Variants in TBC1D5 observed in about 807,000 individuals in gnomAD.
TBC1D5 encodes TBC1 domain family, member 5.
A neutral mutation model predicts 100.3 loss-of-function variants in TBC1D5; 75 were observed. That is an observed-to-expected ratio of 0.75 (90% confidence interval 0.62 to 0.91). The LOEUF (loss-of-function observed/expected upper bound fraction) is 0.91. Among genes scored for constraint, TBC1D5 ranks in the 40% least tolerant of loss-of-function variants. The pLI, the probability that TBC1D5 is intolerant of heterozygous loss-of-function variation, is 0.00. For synonymous variants in TBC1D5, 323 were observed against 325.6 expected, an observed-to-expected ratio of 0.99 and a Z score of 0.09; for missense variants, 910 against 942.4, an observed-to-expected ratio of 0.97 and a Z score of 0.45.
At chr3:17,401,085 A>C (rs2093631102) in intron 8 of TBC1D5, among the ~76,000 whole-genome samples, 1 of 152,036 alleles carries the variant, frequency 6.6e-6, no homozygotes, top group Non-Finnish European at 1.5e-5. Flanking sequence ...CTGTCCCTCT[A>C]GAGAACGCTA....
chr3:17,608,546 T>C (rs1302117295), intron 2 of TBC1D5, among the ~76,000 whole-genome samples: 1 of 152,206 alleles, frequency 6.6e-6, no homozygotes, highest in Non-Finnish European at 1.5e-5. Flanking sequence ...ATATCCATGA[T>C]TATTCCTTTC....
chr3:17,485,426 T>TGCA (rs2095551900), intron 3 of TBC1D5, among the ~76,000 whole-genome samples: 1 of 151,752 alleles, frequency 6.6e-6, no homozygotes, highest in Non-Finnish European at 1.5e-5. Context: ...GCTGTTGTGC[T>TGCA]GCACCCATTA....
chr3:17,702,894 A>G (rs771929892), intron 1 of TBC1D5, among the ~76,000 whole-genome samples: 9 of 152,292 alleles, frequency 5.9e-5, no homozygotes, highest in Admixed American at 2.6e-4. Context: ...AATTAAAAGT[A>G]TAAGCCATTC....
chr3:17,222,424 C>T (rs956494682), intron 17 of TBC1D5, among the ~76,000 whole-genome samples: 4 of 152,026 alleles, frequency 2.6e-5, no homozygotes, highest in Non-Finnish European at 5.9e-5. Flanking sequence ...TATTTGGGAG[C>T]GGGGAGGGTA....
At chr3:17,528,398 G>T (rs185552310) in intron 2 of TBC1D5, among the ~76,000 whole-genome samples, 2 of 152,260 alleles carry the variant, frequency 1.3e-5, no homozygotes, top group African/African-American at 4.8e-5. Context: ...TCCCTTAGGA[G>T]AATGCAGTAA....
intron 2 of TBC1D5, among the ~76,000 whole-genome samples, chr3:17,621,963 G>A (rs935373531): frequency 2.0e-5 from 3 of 152,146 alleles, no homozygotes; most frequent in African/African-American, 7.2e-5. Context: ...ACTAAGAACA[G>A]TCAGTTTTCT....
intron 13 of TBC1D5, among the ~76,000 whole-genome samples, chr3:17,346,863 C>G (rs2089953539): frequency 6.6e-6 from 1 of 152,042 alleles, no homozygotes; most frequent in African/African-American, 2.4e-5. Flanking sequence ...TTTGAAGTCA[C>G]CTTTATAATA....
At chr3:17,728,136 G>A (rs183848859) in intron 1 of TBC1D5, among the ~76,000 whole-genome samples, 87 of 152,138 alleles carry the variant, frequency 5.7e-4, no homozygotes, top group Non-Finnish European at 8.4e-4. Context: ...GCACACACAC[G>A]CATACCCACA....
intron 2 of TBC1D5, among the ~76,000 whole-genome samples, chr3:17,543,370 C>T (rs544952514): frequency 1.3e-5 from 2 of 152,182 alleles, no homozygotes; most frequent in Non-Finnish European, 2.9e-5. Flanking sequence ...TCGTGGCTCA[C>T]ACCTGTAATC....
At chr3:17,284,106 ACACACACACACACACACG>A in intron 15 of TBC1D5, among the ~76,000 whole-genome samples, 1 of 150,842 alleles carries the variant, frequency 6.6e-6, no homozygotes, top group African/African-American at 2.4e-5. Flanking sequence ...ACACACACAC[ACACACACACACACACACG>A]TATTTTTAAT....
chr3:17,283,675 A>AAATGTCTT (rs1338095330), intron 15 of TBC1D5, among the ~76,000 whole-genome samples: 1 of 152,110 alleles, frequency 6.6e-6, no homozygotes, highest in African/African-American at 2.4e-5. Flanking sequence ...TATAATAAGA[A>AAATGTCTT]AATGTCTTAA....
At chr3:17,388,225 T>G (rs2093230669) in intron 8 of TBC1D5, among the ~76,000 whole-genome samples, 1 of 152,098 alleles carries the variant, frequency 6.6e-6, no homozygotes, top group Non-Finnish European at 1.5e-5. Context: ...TTAAACAAAT[T>G]TTACATAGTA....
intron 15 of TBC1D5, among the ~76,000 whole-genome samples, chr3:17,277,621 T>C (rs1264190354): frequency 6.6e-6 from 1 of 152,218 alleles, no homozygotes; most frequent in Non-Finnish European, 1.5e-5. Flanking sequence ...TGAAATGCAT[T>C]ATTGTGTGTT....
At chr3:17,649,090 G>A (rs1049528044) in intron 1 of TBC1D5, among the ~76,000 whole-genome samples, 5 of 152,122 alleles carry the variant, frequency 3.3e-5, no homozygotes, top group Non-Finnish European at 7.4e-5. Flanking sequence ...ATGCCCATCA[G>A]TGACAGATTG....
At chr3:17,542,894 CA>C (rs2096372694) in intron 2 of TBC1D5, among the ~76,000 whole-genome samples, 1 of 152,158 alleles carries the variant, frequency 6.6e-6, no homozygotes, top group African/African-American at 2.4e-5. Flanking sequence ...TATCAAGGTT[CA>C]TACACATATA....
rs911170354 is a variant in TBC1D5, at chr3:17,661,424, T to C, written c.-100-37511A>G. ...AGACATCCAAATGCTTCTGTATTGGTAGATATCCAAATGCTGCTGTATTTG... is the reference window on the plus strand; with the variant it reads ...AGACATCCAAATGCTTCTGTATTGGCAGATATCCAAATGCTGCTGTATTTG... On this transcript the variant is annotated intron_variant, in intron 1 of 21. Coordinates refer to ENST00000253692, the Ensembl canonical transcript of TBC1D5. 3.3e-5 allele frequency among the ~76,000 whole-genome samples: 5 copies of C among 152,302 alleles called. No homozygotes were observed. The East Asian group carries it at 9.6e-4, about 29-fold the overall frequency.
chr3:17,728,064 G>T (rs2076264429), intron 1 of TBC1D5, among the ~76,000 whole-genome samples: 2 of 152,102 alleles, frequency 1.3e-5, no homozygotes, highest in South Asian at 4.1e-4. Context: ...AACCCAAAAA[G>T]GCATTTGATA....
At chr3:17,645,945 C>A (rs942752125) in intron 1 of TBC1D5, among the ~76,000 whole-genome samples, 1 of 152,060 alleles carries the variant, frequency 6.6e-6, no homozygotes, top group Non-Finnish European at 1.5e-5. Flanking sequence ...AAATCCTATT[C>A]GTTTCTCCTT....
chr3:17,235,848 G>A (rs1340423443), intron 17 of TBC1D5, among the ~76,000 whole-genome samples: 1 of 151,982 alleles, frequency 6.6e-6, no homozygotes, highest in African/African-American at 2.4e-5. Flanking sequence ...ATACCTTTGT[G>A]AGGGAAGGAG....
Sources: allele counts gnomAD v4.1 joint callset (sites outside exome capture counted in the v4.1 genomes callset), GRCh38; gene constraint gnomAD v4.1.1; transcripts MANE v1.5; gene names NCBI Gene and HGNC (gene_info 2026-07-23, HGNC 2026-07-21).